The following PPP1R21 variants were observed in gnomAD, a reference collection of about 807,000 sequenced individuals.
PPP1R21 encodes the protein KLRAQ motif containing 1.
In PPP1R21, 85 loss-of-function variants were observed where a neutral mutation model predicts 112.8. That is an observed-to-expected ratio of 0.75 (90% CI 0.63 to 0.90). PPP1R21 has a LOEUF of 0.90. PPP1R21 is among the 40% of genes least tolerant of loss of function. The pLI is 0.00. For missense variants in PPP1R21, 1,199 were observed against 901.5 expected, an observed-to-expected ratio of 1.33 and a Z score of -4.23; for synonymous variants, 381 against 322.3, an observed-to-expected ratio of 1.18 and a Z score of -1.95.
chr2:48,456,483 T>G (rs1667730706), intron 3 of PPP1R21, among the ~76,000 whole-genome samples: 1 of 152,194 alleles, frequency 6.6e-6, no homozygotes, highest in African/African-American at 2.4e-5. Flanking sequence ...TCTGTGACTT[T>G]CGGCACAATT....
chr2:48,497,339 T>C (rs1270313618), intron 16 of PPP1R21, among the ~76,000 whole-genome samples: 2 of 152,166 alleles, frequency 1.3e-5, no homozygotes, highest in Non-Finnish European at 2.9e-5. Flanking sequence ...AAAAACGATT[T>C]GAGAGTTTTT....
At chr2:48,442,622 G>A (rs1236122154) in intron 1 of PPP1R21, among the ~76,000 whole-genome samples, 3 of 152,164 alleles carry the variant, frequency 2.0e-5, no homozygotes, top group South Asian at 2.1e-4. Flanking sequence ...GATATAGTAC[G>A]ACAAGTGTTA....
chr2:48,511,616 C>A (rs1191051836), intron 21 of PPP1R21, 148 bp downstream of exon 21: 2 of 905,174 alleles, frequency 2.2e-6, no homozygotes, highest in African/African-American at 1.7e-5. Context: ...AATCCCAGTA[C>A]TTTGGGAGGC....
chr2:48,453,688 G>A (rs1667585279), intron 2 of PPP1R21, among the ~76,000 whole-genome samples: 1 of 152,202 alleles, frequency 6.6e-6, no homozygotes, highest in Non-Finnish European at 1.5e-5. Flanking sequence ...CAGAGGGTGT[G>A]TCAAAAAGGT....
chr2:48,446,863 G>T (rs1164965063), intron 1 of PPP1R21, among the ~76,000 whole-genome samples: 1 of 152,146 alleles, frequency 6.6e-6, no homozygotes, highest in Non-Finnish European at 1.5e-5. Flanking sequence ...CAATTCTCCT[G>T]CCTCAGCCTC....
At chr2:48,494,282 A>G (rs1275645325) in intron 15 of PPP1R21, among the ~76,000 whole-genome samples, 1 of 141,576 alleles carries the variant, frequency 7.1e-6, no homozygotes, top group South Asian at 2.3e-4. Flanking sequence ...AAAAAAAGTC[A>G]TGTCAAAAAT....
intron 10 of PPP1R21, 42 bp downstream of exon 10, chr2:48,471,230 C>G (rs1037023492): frequency 1.2e-6 from 2 of 1,606,398 alleles, no homozygotes; most frequent in African/African-American, 2.7e-5. Flanking sequence ...CTGGGAGCTC[C>G]TCTTTGTCCA....
At chr2:48,493,110 A>G (rs539590879) in intron 15 of PPP1R21, among the ~76,000 whole-genome samples, 14 of 138,864 alleles carry the variant, frequency 1.0e-4, no homozygotes, top group African/African-American at 3.8e-4. Flanking sequence ...GGTTCACACC[A>G]TTCTCCTGCC....
intron 6 of PPP1R21, among the ~76,000 whole-genome samples, chr2:48,460,837 G>A (rs1360725798): frequency 6.6e-6 from 1 of 152,104 alleles, no homozygotes; most frequent in African/African-American, 2.4e-5. Context: ...TTTGAGCTTG[G>A]GGAAATATTA....
chr2:48,479,424 T>G, intron 12 of PPP1R21: 1 of 467,660 alleles, frequency 2.1e-6, no homozygotes, highest in South Asian at 1.6e-5. Context: ...ATGTGCTGTG[T>G]TGCCCTTAGA....
At chr2:48,480,191 T>C (rs1211067542) in intron 13 of PPP1R21, among the ~76,000 whole-genome samples, 175 bp downstream of exon 13, 2 of 152,228 alleles carry the variant, frequency 1.3e-5, no homozygotes, top group African/African-American at 2.4e-5. Flanking sequence ...ATCTGTTTTA[T>C]TTCTGGAGGT....
At chr2:48,503,280 A>G (rs1670209508) in intron 17 of PPP1R21, among the ~76,000 whole-genome samples, 1 of 152,224 alleles carries the variant, frequency 6.6e-6, no homozygotes, top group African/African-American at 2.4e-5. Flanking sequence ...TATATAGTTG[A>G]CACTGTACTA....
chr2:48,458,579 CTT>C (rs80280182), intron 4 of PPP1R21, among the ~76,000 whole-genome samples: 47 of 137,324 alleles, frequency 3.4e-4, no homozygotes, highest in Non-Finnish European at 3.8e-4. Flanking sequence ...CTCCCCCTCC[CTT>C]TTTTTTTTTT....
rs1037265085 is a variant in PPP1R21, at chr2:48,470,948, G to C, written c.898-139G>C. 4 of 611,776 alleles carry C rather than the reference G, an allele frequency of 6.5e-6. No homozygotes were observed. In the African/African-American group the frequency reaches 7.4e-5, roughly 11 times the overall value. 37.9% of individuals were successfully genotyped at this position (611,776 alleles called of 1,614,324 possible). A position where few individuals can be genotyped will look rare whatever the true frequency, so the allele number is the denominator to read the frequency against. ...TTTCCAATAAAAGTTTCCAAAACTT[G>C]AGCACAGGAGTTTGAGGCTGCAGTG... On this transcript the variant is annotated intron_variant, in intron 9 of 21. Transcript: ENST00000294952.
chr2:48,447,421 T>G (rs1667296637), intron 1 of PPP1R21, among the ~76,000 whole-genome samples: 1 of 152,206 alleles, frequency 6.6e-6, no homozygotes, highest in African/African-American at 2.4e-5. Flanking sequence ...ACAGAAGAGC[T>G]TGGTGCACAG....
chr2:48,477,887 C>G (rs903439695), intron 12 of PPP1R21, among the ~76,000 whole-genome samples: 2 of 152,078 alleles, frequency 1.3e-5, no homozygotes, highest in African/African-American at 4.8e-5. Flanking sequence ...TATGTGTGAT[C>G]TCCTGTGGAG....
chr2:48,462,803 G>A (rs937796389), intron 7 of PPP1R21, among the ~76,000 whole-genome samples: 1 of 152,198 alleles, frequency 6.6e-6, no homozygotes, highest in Non-Finnish European at 1.5e-5. Flanking sequence ...GCAACAGAGT[G>A]TAGATTACCT....
chr2:48,459,290 C>CT (rs1239333416), intron 4 of PPP1R21, among the ~76,000 whole-genome samples: 1 of 151,980 alleles, frequency 6.6e-6, no homozygotes, highest in African/African-American at 2.4e-5. Flanking sequence ...GTATTGGACT[C>CT]TAATTACAGG....
chr2:48,466,578 G>A (rs939884884), intron 9 of PPP1R21, among the ~76,000 whole-genome samples: 11 of 152,088 alleles, frequency 7.2e-5, no homozygotes, highest in African/African-American at 2.4e-4. Context: ...GGTATGGCCA[G>A]TAAGTGGTAT....
Sources: allele counts gnomAD v4.1 joint callset (sites outside exome capture counted in the v4.1 genomes callset), GRCh38; gene constraint gnomAD v4.1.1; transcripts MANE v1.5; gene names NCBI Gene and HGNC (gene_info 2026-07-23, HGNC 2026-07-21).